The following RANGAP1 variants were observed in gnomAD, a reference collection of about 807,000 sequenced individuals.
The protein encoded by RANGAP1 is Ran GTPase activating protein 1, also known as ran GTPase-activating protein 1.
In RANGAP1, 38 loss-of-function variants were observed where a neutral mutation model predicts 63.5. That is an observed-to-expected ratio of 0.60 (90% CI 0.46 to 0.78). The LOEUF (loss-of-function observed/expected upper bound fraction) is 0.78. Ranked by LOEUF, RANGAP1 falls within the 30% of genes least tolerant of loss-of-function variation. RANGAP1 has a pLI of 0.00. For missense variants in RANGAP1, 630 were observed against 740.3 expected (o/e 0.85, Z 1.73); for synonymous variants, 329 against 310.5 (o/e 1.06, Z -0.63).
chr22:41,260,788 G>T (rs1019832498), intron 6 of RANGAP1, among the ~76,000 whole-genome samples: 2 of 152,146 alleles, frequency 1.3e-5, no homozygotes, highest in Non-Finnish European at 2.9e-5. Context: ...AGACTGCAGT[G>T]AGCCAAGATC....
chr22:41,289,735 C>A (rs2035816506), upstream of RANGAP1, among the ~76,000 whole-genome samples: 1 of 152,230 alleles, frequency 6.6e-6, no homozygotes, highest in South Asian at 2.1e-4. Flanking sequence ...AGCTAGTCTG[C>A]CTGGCCCAAG....
At chr22:41,287,816 G>A (rs532912820), upstream of RANGAP1, among the ~76,000 whole-genome samples, 45 of 151,996 alleles carry the variant, frequency 3.0e-4, no homozygotes, top group African/African-American at 9.6e-4. Context: ...GAGAAACCCC[G>A]TCTCTACTAA....
At chr22:41,261,371 G>A in intron 6 of RANGAP1, 75 bp downstream of exon 6, 6 of 1,588,512 alleles carry the variant, frequency 3.8e-6, no homozygotes, top group South Asian at 1.1e-5. Context: ...CCTGGGATTA[G>A]CATCCAGAAC....
chr22:41,261,062 G>A (rs753753881), intron 6 of RANGAP1, among the ~76,000 whole-genome samples: 9 of 152,172 alleles, frequency 5.9e-5, no homozygotes, highest in African/African-American at 9.7e-5. Context: ...CTGTCTTGGA[G>A]GTCTGGTATG....
At chr22:41,249,019 T>G (rs1569168476) in intron 15 of RANGAP1, among the ~76,000 whole-genome samples, 2 of 152,204 alleles carry the variant, frequency 1.3e-5, no homozygotes, top group Non-Finnish European at 2.9e-5. Flanking sequence ...CTTGCTAGCG[T>G]GTGACCAAGG....
At chr22:41,285,666 C>T (rs1465206779) in intron 1 of RANGAP1, 5 of 985,290 alleles carry the variant, frequency 5.1e-6, no homozygotes, top group Non-Finnish European at 6.0e-6. Context: ...GCGCAGGAGC[C>T]CCATCTGGAA....
intron 3 of RANGAP1, 129 bp from the exon 4 acceptor site, chr22:41,268,285 C>A: frequency 1.3e-6 from 1 of 775,708 alleles, no homozygotes; most frequent in Middle Eastern, 2.4e-4. Flanking sequence ...GACGGAGTTT[C>A]GCTCTTGTTG....
At chr22:41,252,313 T>A (rs959579410) in intron 12 of RANGAP1, among the ~76,000 whole-genome samples, 13 of 151,542 alleles carry the variant, frequency 8.6e-5, no homozygotes, top group African/African-American at 2.9e-4. Flanking sequence ...AAAAAATAAA[T>A]AAATAAATAA....
At chr22:41,302,302 C>T in the RANGAP1 span, among the ~76,000 whole-genome samples, 2 of 151,706 alleles carry the variant, frequency 1.3e-5, no homozygotes, top group East Asian at 2.0e-4. This position sits in a 1 kb window ranked among gnomAD's most constrained non-coding sequence, Gnocchi z 5.7. Context: ...CCCGACGGGC[C>T]GCCCCTTTCG....
At chr22:41,299,833 G>A in the RANGAP1 span, among the ~76,000 whole-genome samples, 4 of 151,732 alleles carry the variant, frequency 2.6e-5, no homozygotes, top group African/African-American at 9.7e-5. Context: ...CTCACTGCAA[G>A]CTACGCCTCC....
Position 41,285,478 on chromosome 22 carries a change from C to T in RANGAP1, c.-39+508G>A, listed in dbSNP as rs934331107. The T allele has an allele frequency of 1.2e-5, 12 of 983,476 alleles. No homozygotes were observed. In the South Asian group the frequency reaches 4.2e-4, roughly 35 times the overall value. 60.9% of individuals were successfully genotyped at this position (983,476 alleles called of 1,614,324 possible). A position where few individuals can be genotyped will look rare whatever the true frequency, so the allele number is the denominator to read the frequency against. On this transcript the variant is annotated intron_variant, in intron 1 of 15. Coordinates refer to ENST00000356244, the MANE Select transcript of RANGAP1 (RefSeq NM_002883.4). ...ATAGAGAAACATCCTCTCCCCGCTC[C>T]GCAGCAACGTCAGAGACTTTCTGAG...
Position 41,286,052 on chromosome 22 carries a change from G to A in RANGAP1, c.-105C>T, listed in dbSNP as rs2035737317. 1 of 152,318 alleles carries A rather than the reference G, an allele frequency of 6.6e-6. No homozygotes were observed. Among genetic ancestry groups the A allele is most frequent in the African/African-American group, 2.4e-5 (1 of 41,464 alleles). 9.4% of individuals were successfully genotyped at this position (152,318 alleles called of 1,614,324 possible). A position where few individuals can be genotyped will look rare whatever the true frequency, so the allele number is the denominator to read the frequency against. ...CGCCTCCGCCCTCTGGGGCGGGGAC[G>A]GATTTAGGGTCCGGGTCAGGCCGGG... On this transcript the variant is annotated 5_prime_UTR_variant, in exon 1 of 16. Coordinates refer to ENST00000356244, the MANE Select transcript of RANGAP1 (RefSeq NM_002883.4).
At chr22:41,271,465 G>T (rs1033854059) in intron 3 of RANGAP1, among the ~76,000 whole-genome samples, 1 of 151,558 alleles carries the variant, frequency 6.6e-6, no homozygotes, top group Non-Finnish European at 1.5e-5. Context: ...GGGAGGCCGA[G>T]GCGGGCGGAT....
At position 41,256,003 on chromosome 22, in the gene RANGAP1, C is replaced by T. The variant is rs748482813; in HGVS notation, c.1073+18G>A. ...AATGGCCTGACCCCGACCTCTGGGG[C>T]CACCCCGAGTTCCCTACCTGAGGGA... On this transcript the variant is annotated intron_variant, in intron 10 of 15. Coordinates refer to ENST00000356244, the MANE Select transcript of RANGAP1 (RefSeq NM_002883.4). The T allele has an allele frequency of 5.6e-6, 9 of 1,610,182 alleles. No individual in the cohort carries two copies. In the South Asian group the frequency reaches 8.8e-5, roughly 16 times the overall value.
intron 1 of RANGAP1, chr22:41,285,683 G>A: frequency 2.0e-6 from 2 of 985,342 alleles, no homozygotes; most frequent in South Asian, 4.7e-5. Context: ...GGAATCCCCG[G>A]CGGACTCGCA....
intron 1 of RANGAP1, chr22:41,281,418 C>G: frequency 1.2e-5 from 12 of 1,010,544 alleles, no homozygotes; most frequent in Non-Finnish European, 1.4e-5. Flanking sequence ...GCAGTCAAGT[C>G]CCAAACCAAA....
chr22:41,255,392 G>A (rs545037326), intron 10 of RANGAP1, among the ~76,000 whole-genome samples: 6 of 152,224 alleles, frequency 3.9e-5, no homozygotes, highest in South Asian at 4.1e-4. Flanking sequence ...TGGCCCAACC[G>A]GACTTGGATC....
chr22:41,268,792 C>T (rs1223289041), intron 3 of RANGAP1, among the ~76,000 whole-genome samples: 6 of 152,038 alleles, frequency 3.9e-5, no homozygotes, highest in African/African-American at 1.4e-4. Flanking sequence ...CAGTGGCTCA[C>T]GCCTGTAATC....
the RANGAP1 span, among the ~76,000 whole-genome samples, chr22:41,293,773 AAAAAAAAAG>A: frequency 9.3e-5 from 8 of 86,418 alleles, 1 homozygote; most frequent in Admixed American, 4.5e-4. Flanking sequence ...AAAAAAAAAA[AAAAAAAAAG>A]AAAAGAAATA....
Sources: gnomAD v4.1 joint callset for allele counts (sites outside exome capture counted in the v4.1 genomes callset) on GRCh38, gnomAD v4.1.1 for gene constraint, Gnocchi (gnomAD v3.1) non-coding constraint, MANE v1.5 for transcripts, NCBI Gene and HGNC (gene_info 2026-07-23, HGNC 2026-07-21) for gene names.